Variants in SLC9A9 observed in about 807,000 individuals in gnomAD.
SLC9A9 encodes sodium/hydrogen exchanger 9.
Under a neutral mutation model 77.8 loss-of-function variants are expected in SLC9A9, and 62 were observed. The ratio of observed to expected loss-of-function variants is 0.80; its 90% confidence interval spans 0.65 to 0.98. SLC9A9 has a LOEUF of 0.98. Among genes scored for constraint, SLC9A9 ranks in the 50% least tolerant of loss-of-function variants. The probability of loss-of-function intolerance (pLI) is 0.00; values close to 1 mark genes in which losing one functional copy is unlikely to be tolerated. For missense variants in SLC9A9, 775 were observed against 774.9 expected, an observed-to-expected ratio of 1.00 and a Z score of 0.00; for synonymous variants, 320 against 283.5, an observed-to-expected ratio of 1.13 and a Z score of -1.29.
intron 2 of SLC9A9, among the ~76,000 whole-genome samples, chr3:143,808,654 A>C (rs1329181548): frequency 6.6e-6 from 1 of 152,210 alleles, no homozygotes. Flanking sequence ...TATTTGGAGT[A>C]GTGTTTAAGG....
chr3:143,392,160 A>G lies in SLC9A9; in HGVS notation c.1470-10046T>C, dbSNP rs112718193. On this transcript the variant is annotated intron_variant, in intron 12 of 15. Transcript: ENST00000316549. ...AAGACACATAATTGTCATATTCACC[A>G]AAGTTGAAATGAAGGAAGAAATGTT... 5.6e-3 allele frequency among the ~76,000 whole-genome samples: 859 copies of G among 152,316 alleles called. 7 individuals are homozygous for G. The highest frequency in any genetic ancestry group is 0.02 in the African/African-American group (817 of 41,568).
At chr3:143,631,629 C>G (rs1560003576) in intron 6 of SLC9A9, among the ~76,000 whole-genome samples, 1 of 151,980 alleles carries the variant, frequency 6.6e-6, no homozygotes, top group East Asian at 1.9e-4. Context: ...AACTCAATAC[C>G]CCATAGCAAA....
chr3:143,572,118 T>C (rs940254828), intron 8 of SLC9A9, among the ~76,000 whole-genome samples: 1 of 152,146 alleles, frequency 6.6e-6, no homozygotes, highest in African/African-American at 2.4e-5. Flanking sequence ...GTGGTCTGTA[T>C]GGCAGCTCAG....
At chr3:143,479,611 A>C (rs1422417011) in intron 11 of SLC9A9, among the ~76,000 whole-genome samples, 2 of 152,184 alleles carry the variant, frequency 1.3e-5, no homozygotes, top group African/African-American at 4.8e-5. Flanking sequence ...CTGGAACTAA[A>C]AGTAAAATAT....
intron 13 of SLC9A9, chr3:143,381,260 G>A (rs1343507801): frequency 1.3e-5 from 2 of 152,174 alleles, no homozygotes; most frequent in African/African-American, 4.8e-5. Context: ...GGAGGTAGTT[G>A]AATTATGGGG....
intron 14 of SLC9A9, among the ~76,000 whole-genome samples, chr3:143,354,500 C>T (rs1202798068): frequency 6.6e-6 from 1 of 152,170 alleles, no homozygotes; most frequent in Non-Finnish European, 1.5e-5. Context: ...GCGAGCTAGA[C>T]CCAGGACTGT....
At chr3:143,717,255 T>C (rs1018584185) in intron 4 of SLC9A9, among the ~76,000 whole-genome samples, 3 of 152,214 alleles carry the variant, frequency 2.0e-5, no homozygotes, top group Non-Finnish European at 4.4e-5. Context: ...TGAATTCTAA[T>C]ACAGTCCCAG....
intron 4 of SLC9A9, among the ~76,000 whole-genome samples, chr3:143,763,988 A>G (rs117712032): frequency 6.6e-6 from 1 of 152,256 alleles, no homozygotes; most frequent in East Asian, 1.9e-4. Flanking sequence ...TAAGGTCTCC[A>G]AACCATGAAA....
At chr3:143,376,861 A>G (rs1299208766) in intron 13 of SLC9A9, among the ~76,000 whole-genome samples, 1 of 152,228 alleles carries the variant, frequency 6.6e-6, no homozygotes, top group African/African-American at 2.4e-5. Context: ...ACATAACATT[A>G]CAAAAGCTCT....
At chr3:143,684,756 T>TATAG (rs1334491413) in intron 5 of SLC9A9, among the ~76,000 whole-genome samples, 1 of 152,112 alleles carries the variant, frequency 6.6e-6, no homozygotes, top group African/African-American at 2.4e-5. Context: ...ATTTGAATCA[T>TATAG]ATAGATATTT....
intron 14 of SLC9A9, chr3:143,347,182 A>G (rs2032307629): frequency 6.6e-6 from 1 of 152,138 alleles, no homozygotes; most frequent in African/African-American, 2.4e-5. Context: ...TTTTTCTCAG[A>G]AGAAACATCC....
intron 4 of SLC9A9, among the ~76,000 whole-genome samples, chr3:143,756,927 G>A (rs1032169580): frequency 6.6e-6 from 1 of 152,066 alleles, no homozygotes; most frequent in Non-Finnish European, 1.5e-5. Context: ...ATTTTTAATT[G>A]TGCTGTTACT....
At chr3:143,439,349 G>A (rs185595630) in intron 12 of SLC9A9, among the ~76,000 whole-genome samples, 7 of 152,300 alleles carry the variant, frequency 4.6e-5, no homozygotes, top group South Asian at 4.2e-4. Flanking sequence ...CCTCTGAGCC[G>A]GTCTTCTTAG....
intron 4 of SLC9A9, among the ~76,000 whole-genome samples, chr3:143,753,482 G>A (rs546773262): frequency 9.2e-5 from 14 of 152,222 alleles, no homozygotes; most frequent in Non-Finnish European, 1.5e-4. Context: ...GGAAAAGAGA[G>A]GAAGCCAACA....
intron 9 of SLC9A9, among the ~76,000 whole-genome samples, chr3:143,541,524 G>A (rs1451541401): frequency 6.6e-6 from 1 of 152,208 alleles, no homozygotes; most frequent in Admixed American, 6.5e-5. Context: ...GTTGTTTAAA[G>A]CTGCTAAATT....
At chr3:143,708,136 A>G (rs1021129460) in intron 4 of SLC9A9, among the ~76,000 whole-genome samples, 1 of 151,776 alleles carries the variant, frequency 6.6e-6, no homozygotes, top group African/African-American at 2.4e-5. Flanking sequence ...ATGCAGTGGG[A>G]GGTAGAGATC....
chr3:143,535,196 T>A (rs902175319), intron 9 of SLC9A9, among the ~76,000 whole-genome samples: 3 of 152,198 alleles, frequency 2.0e-5, no homozygotes, highest in African/African-American at 4.8e-5. Flanking sequence ...GAAGGCATAT[T>A]CAAGTCGAAG....
chr3:143,743,244 T>TGG (rs1560059071), intron 4 of SLC9A9, among the ~76,000 whole-genome samples: 859 of 66,864 alleles, frequency 0.013, 9 homozygotes, highest in African/African-American at 0.034. Context: ...GATGGATGGA[T>TGG]AGATAGATAG....
chr3:143,713,096 C>G (rs2108797711), intron 4 of SLC9A9, among the ~76,000 whole-genome samples: 1 of 152,228 alleles, frequency 6.6e-6, no homozygotes, highest in Middle Eastern at 3.4e-3. Context: ...TCCTTCACAT[C>G]AGAAAATTAT....
Sources: allele counts gnomAD v4.1 joint callset (sites outside exome capture counted in the v4.1 genomes callset), GRCh38; gene constraint gnomAD v4.1.1; transcripts MANE v1.5; gene names NCBI Gene and HGNC (gene_info 2026-07-23, HGNC 2026-07-21).